The following CPD variants were observed in gnomAD, a reference collection of about 807,000 sequenced individuals.
CPD encodes the protein carboxypeptidase D.
A neutral mutation model predicts 138.3 loss-of-function variants in CPD; 69 were observed. The ratio of observed to expected loss-of-function variants is 0.50; its 90% confidence interval spans 0.41 to 0.61. CPD has a LOEUF of 0.61. Among genes scored for constraint, CPD ranks in the 20% least tolerant of loss-of-function variants. The pLI, the probability that CPD is intolerant of heterozygous loss-of-function variation, is 0.00. For missense variants in CPD, 1,432 were observed against 1,733.3 expected, an observed-to-expected ratio of 0.83 and a Z score of 3.09; for synonymous variants, 651 against 642.1, an observed-to-expected ratio of 1.01 and a Z score of -0.21.
chr17:30,395,904 G>C (rs1377448862), intron 2 of CPD, among the ~76,000 whole-genome samples: 1 of 151,966 alleles, frequency 6.6e-6, no homozygotes, highest in Non-Finnish European at 1.5e-5. Context: ...CACAAGATAG[G>C]TTGCTCAGAA....
At chr17:30,439,569 C>A (rs1312198784) in intron 9 of CPD, among the ~76,000 whole-genome samples, 1 of 110,784 alleles carries the variant, frequency 9.0e-6, no homozygotes, top group African/African-American at 3.5e-5. Flanking sequence ...TCCCCCCACC[C>A]CACCACAGTC....
At chr17:30,430,679 G>A (rs1912538948) in intron 7 of CPD, among the ~76,000 whole-genome samples, 1 of 151,996 alleles carries the variant, frequency 6.6e-6, no homozygotes, top group Non-Finnish European at 1.5e-5. Context: ...TTGAAACAGA[G>A]TCTCACTCTG....
chr17:30,447,786 G>A (rs1021922416), intron 12 of CPD, among the ~76,000 whole-genome samples: 2 of 152,178 alleles, frequency 1.3e-5, no homozygotes, highest in Non-Finnish European at 2.9e-5. Context: ...AGCTGAGATA[G>A]CCTTTACCTT....
intron 1 of CPD, among the ~76,000 whole-genome samples, chr17:30,383,942 T>C (rs1256562617): frequency 6.6e-6 from 1 of 152,202 alleles, no homozygotes; most frequent in East Asian, 1.9e-4. Flanking sequence ...TTTTTTGCCT[T>C]TAGGTTTTAG....
chr17:30,428,338 G>A (rs1028734742), intron 7 of CPD, among the ~76,000 whole-genome samples: 9 of 152,136 alleles, frequency 5.9e-5, no homozygotes, highest in African/African-American at 2.2e-4. Flanking sequence ...TGAACAAAAT[G>A]TTCACTCATT....
chr17:30,424,535 G>A (rs1162038618), intron 6 of CPD, among the ~76,000 whole-genome samples: 1 of 152,038 alleles, frequency 6.6e-6, no homozygotes, highest in Non-Finnish European at 1.5e-5. Context: ...ATTTTGTTTT[G>A]GGTTTACAGT....
intron 2 of CPD, among the ~76,000 whole-genome samples, chr17:30,400,685 G>T: frequency 9.1e-6 from 1 of 110,082 alleles, no homozygotes. Context: ...TTGAGATGGA[G>T]TCTTACTCTG....
intron 15 of CPD, 140 bp downstream of exon 15, chr17:30,455,610 T>C (rs1166708150): frequency 3.4e-6 from 3 of 870,248 alleles, no homozygotes; most frequent in Non-Finnish European, 5.2e-6. Flanking sequence ...AAGAAGATTG[T>C]ACATACATCA....
At chr17:30,396,846 T>C (rs1479770905) in intron 2 of CPD, among the ~76,000 whole-genome samples, 2 of 152,066 alleles carry the variant, frequency 1.3e-5, no homozygotes, top group African/African-American at 4.8e-5. Context: ...CCTTCTTTCC[T>C]TCCTCTCTCT....
Position 30,379,321 on chromosome 17 carries a change from C to A in CPD, c.341C>A (p.Pro114His). The A allele has an allele frequency of 1.3e-6, 2 of 1,492,256 alleles. No individual in the cohort carries two copies. Among genetic ancestry groups the A allele is most frequent in the Non-Finnish European group, 1.8e-6 (2 of 1,128,732 alleles). The allele number at this position is 1,492,256 out of a possible 1,614,324, so 92.4% of individuals were successfully genotyped here. A position where few individuals can be genotyped will look rare whatever the true frequency, so the allele number is the denominator to read the frequency against. ...CTAATCCCTGAGGGCGACGCGGGGC[C>A]TGACGCTGCCGGGCCCGACGCTGCG... ...GSLIPEGDAG[P>H]DAAGPDAAGP... Residue 114 changes from proline (P) to histidine (H), a missense_variant, in exon 1 of 21, where the codon CCT becomes CAT. This residue lies in a region of CPD where 484 missense variants were observed against 477.2 expected (regional missense o/e 1.01). Transcript: ENST00000225719. The surrounding 1 kb of genome is among the most constrained non-coding windows in gnomAD (Gnocchi z 7.0).
At chr17:30,418,206 G>A (rs1049417377) in intron 2 of CPD, among the ~76,000 whole-genome samples, 3 of 151,350 alleles carry the variant, frequency 2.0e-5, no homozygotes, top group Non-Finnish European at 4.4e-5. Flanking sequence ...TTCCAAGATA[G>A]GTCTTACTTT....
At position 30,423,668 on chromosome 17, in the gene CPD, A is replaced by G; in HGVS notation, c.1820A>G (p.Asn607Ser). 1.3e-6 allele frequency: 2 copies of G among 1,599,238 alleles called. No individual in the cohort carries two copies. Among genetic ancestry groups the G allele is most frequent in the Non-Finnish European group, 1.7e-6 (2 of 1,173,892 alleles). Residue 607 changes from asparagine to serine, a missense_variant, in exon 6 of 21, where the codon AAT becomes AGT. Around this residue, in one of 6 missense-constraint regions of CPD, gnomAD observed 297 missense variants for 405.3 expected, o/e 0.73. Transcript: ENST00000225719. ...NTRIHLMPSM[N>S]PDGYEKSQEG... is the part of the protein sequence containing the mutation. The stretch of plus-strand genomic sequence containing the variant: ...AGAATTCACCTTATGCCATCCATGA[A>G]TCCTGATGGGTATGAAAAGTCCCAG...
chr17:30,420,384 C>T (rs958384514), intron 2 of CPD, among the ~76,000 whole-genome samples: 1 of 152,062 alleles, frequency 6.6e-6, no homozygotes, highest in African/African-American at 2.4e-5. Context: ...GAGATGTGTA[C>T]CCTTTATTTT....
rs550696215 is a variant in CPD, at chr17:30,402,578, C to A, written c.994+17342C>A. On this transcript the variant is annotated intron_variant, in intron 2 of 20. Coordinates refer to ENST00000225719, the MANE Select transcript of CPD (RefSeq NM_001304.5). ...GAGACTCTGTCTCAAAAAAACCAAA[C>A]CAAAACAAAACGAAAACCTTAATTC... is the stretch of plus-strand genomic sequence containing the variant. 5.3e-5 allele frequency among the ~76,000 whole-genome samples: 8 copies of A among 152,204 alleles called. No individual in the cohort carries two copies. In the East Asian group the frequency reaches 7.7e-4, roughly 15 times the overall value.
intron 7 of CPD, 78 bp from the exon 8 acceptor site, chr17:30,431,694 C>A: frequency 3.3e-6 from 3 of 905,916 alleles, no homozygotes; most frequent in Non-Finnish European, 5.2e-6. Flanking sequence ...TCTTCTCTGG[C>A]AGTATTCTGA....
At chr17:30,390,198 G>A (rs370879272) in intron 2 of CPD, among the ~76,000 whole-genome samples, 3 of 152,036 alleles carry the variant, frequency 2.0e-5, no homozygotes, top group Non-Finnish European at 4.4e-5. Flanking sequence ...TGTATTTTAA[G>A]TAGAGACAGG....
At chr17:30,420,729 G>T in intron 2 of CPD, 112 bp from the exon 3 acceptor site, 1 of 967,264 alleles carries the variant, frequency 1.0e-6, no homozygotes, top group Non-Finnish European at 1.5e-6. Flanking sequence ...ACAATTTAAT[G>T]AAAAGAAAAG....
intron 17 of CPD, among the ~76,000 whole-genome samples, chr17:30,457,039 C>T (rs1355613269): frequency 6.6e-6 from 1 of 151,982 alleles, no homozygotes; most frequent in Non-Finnish European, 1.5e-5. Context: ...AGTTTAGTGA[C>T]ATTAATTAAA....
In CPD at chr17:30,467,002, A is replaced by G. The variant is rs9406; in HGVS notation, c.*2188A>G. The G allele has an allele frequency of 0.62, 94,594 of 152,496 alleles. 30,802 individuals carry two copies. The highest frequency in any genetic ancestry group is 0.83 in the East Asian group (4,317 of 5,184). 9.4% of individuals were successfully genotyped at this position (152,496 alleles called of 1,614,324 possible). Reference sequence around the variant, plus strand: ...GGAAAACAAGACTTTCCCAGCTTGTATTACCTAGAAGCGTGAATGTATAGG... The same window carrying G: ...GGAAAACAAGACTTTCCCAGCTTGTGTTACCTAGAAGCGTGAATGTATAGG... On this transcript the variant is annotated 3_prime_UTR_variant, in exon 21 of 21. Coordinates refer to ENST00000225719, the MANE Select transcript of CPD (RefSeq NM_001304.5).
Sources: gnomAD v4.1 joint callset for allele counts (sites outside exome capture counted in the v4.1 genomes callset) on GRCh38, gnomAD v4.1.1 for gene constraint, gnomAD v4.1.1 regional missense constraint, Gnocchi (gnomAD v3.1) non-coding constraint, MANE v1.5 for transcripts, NCBI Gene and HGNC (gene_info 2026-07-23, HGNC 2026-07-21) for gene names.